The following PDE4D variants were observed in gnomAD, a reference collection of about 807,000 sequenced individuals.
PDE4D encodes the protein phosphodiesterase 4D.
Under a neutral mutation model 87.4 loss-of-function variants are expected in PDE4D, and 24 were observed. That is an observed-to-expected ratio of 0.27 (90% confidence interval 0.20 to 0.39). The LOEUF (loss-of-function observed/expected upper bound fraction) is 0.39, where lower values mean the gene tolerates loss of function less well. Among genes scored for constraint, PDE4D ranks in the 10% least tolerant of loss-of-function variants. The pLI, the probability that PDE4D is intolerant of heterozygous loss-of-function variation, is 1.00. For missense variants in PDE4D, 714 were observed against 1,041.0 expected (o/e 0.69, Z 4.32); for synonymous variants, 384 against 383.2 (o/e 1.00, Z -0.02).
chr5:58,993,510 T>A (rs777325222), intron 6 of PDE4D, 45 bp from the exon 7 acceptor site: 15 of 1,169,780 alleles, frequency 1.3e-5, no homozygotes, highest in Non-Finnish European at 1.9e-5. Flanking sequence ...GAGGAAAATT[T>A]AAGTGAAATA....
intron 1 of PDE4D, among the ~76,000 whole-genome samples, chr5:59,289,191 A>AG (rs1032122182): frequency 6.6e-6 from 1 of 152,056 alleles, no homozygotes; most frequent in Non-Finnish European, 1.5e-5. Context: ...AAAGTTTTAA[A>AG]GCGGGGGACA....
At chr5:59,089,951 A>T (rs191129174) in intron 5 of PDE4D, among the ~76,000 whole-genome samples, 3 of 152,276 alleles carry the variant, frequency 2.0e-5, no homozygotes, top group Admixed American at 6.5e-5. Context: ...ACACCCACTG[A>T]CCACGTCAAG....
At chr5:59,517,232 C>T (rs965343290) in intron 1 of PDE4D, among the ~76,000 whole-genome samples, 9 of 152,196 alleles carry the variant, frequency 5.9e-5, no homozygotes, top group African/African-American at 2.2e-4. Context: ...ATCTAACCCC[C>T]ATTTCACTAG....
At chr5:59,785,420 C>T (rs1765071127) in intron 1 of PDE4D, among the ~76,000 whole-genome samples, 1 of 152,162 alleles carries the variant, frequency 6.6e-6, no homozygotes, top group Non-Finnish European at 1.5e-5. Context: ...TGAGCACCTA[C>T]TAGGTTCTAA....
chr5:59,526,598 A>G (rs1177142669), intron 1 of PDE4D, among the ~76,000 whole-genome samples: 10 of 152,190 alleles, frequency 6.6e-5, no homozygotes, highest in Non-Finnish European at 1.5e-4. Flanking sequence ...CAACATTTAA[A>G]ATAGCAAGAG....
chr5:60,428,065 C>A (rs940841580), intron 1 of PDE4D, among the ~76,000 whole-genome samples: 1 of 151,904 alleles, frequency 6.6e-6, no homozygotes, highest in Non-Finnish European at 1.5e-5. Context: ...GAGAGCAAGA[C>A]CCTGTCTCAA....
chr5:60,249,660 T>C (rs1748203772), intron 1 of PDE4D, among the ~76,000 whole-genome samples: 1 of 152,016 alleles, frequency 6.6e-6, no homozygotes, highest in Non-Finnish European at 1.5e-5. Flanking sequence ...TTTAAATGAA[T>C]ATTCCAAACC....
chr5:60,357,330 C>G (rs1759704202), intron 1 of PDE4D, among the ~76,000 whole-genome samples: 1 of 152,046 alleles, frequency 6.6e-6, no homozygotes, highest in South Asian at 2.1e-4. Context: ...AATGCAGAAC[C>G]AAGCTGTGCA....
At chr5:59,743,620 AT>A (rs2150683780) in intron 1 of PDE4D, among the ~76,000 whole-genome samples, 1 of 152,228 alleles carries the variant, frequency 6.6e-6, no homozygotes, top group Admixed American at 6.5e-5. Context: ...GGAAAACAGT[AT>A]GAAAAAATAT....
intron 3 of PDE4D, among the ~76,000 whole-genome samples, chr5:59,916,060 A>G (rs1445712192): frequency 6.6e-6 from 1 of 152,204 alleles, no homozygotes; most frequent in Non-Finnish European, 1.5e-5. Context: ...TCTACTCATC[A>G]CACCACACAA....
intron 1 of PDE4D, among the ~76,000 whole-genome samples, chr5:60,345,892 G>C (rs554939016): frequency 2.0e-4 from 31 of 152,048 alleles, no homozygotes; most frequent in African/African-American, 7.5e-4. Context: ...CTGTTTTCCA[G>C]AATAATCCAA....
At chr5:60,077,026 G>C (rs1773372851) in intron 2 of PDE4D, among the ~76,000 whole-genome samples, 1 of 152,214 alleles carries the variant, frequency 6.6e-6, no homozygotes, top group Non-Finnish European at 1.5e-5. Flanking sequence ...ACACAAGACT[G>C]TGGACCCTCT....
At chr5:59,018,020 C>T (rs777342269) in intron 6 of PDE4D, among the ~76,000 whole-genome samples, 6 of 152,250 alleles carry the variant, frequency 3.9e-5, no homozygotes, top group Non-Finnish European at 5.9e-5. Flanking sequence ...CAGCATTTTA[C>T]TTAAGGATAC....
At chr5:60,263,036 T>G (rs775154286) in intron 1 of PDE4D, among the ~76,000 whole-genome samples, 6 of 152,226 alleles carry the variant, frequency 3.9e-5, no homozygotes, top group Admixed American at 1.3e-4. Context: ...GATTGACAGC[T>G]TCTCATGGGA....
intron 1 of PDE4D, among the ~76,000 whole-genome samples, chr5:60,457,096 T>C (rs1746529159): frequency 1.3e-5 from 2 of 152,162 alleles, no homozygotes; most frequent in Admixed American, 6.5e-5. Context: ...GAATAAACTG[T>C]ACAGCCTGCT....
intron 1 of PDE4D, among the ~76,000 whole-genome samples, chr5:59,796,274 T>C (rs982260739): frequency 6.6e-6 from 1 of 152,176 alleles, no homozygotes; most frequent in African/African-American, 2.4e-5. Flanking sequence ...CAAAAGCCTG[T>C]AGAAATCCAA....
chr5:59,102,247 T>C lies in PDE4D; in HGVS notation c.809-63276A>G, dbSNP rs187749932. ...GATTACAGGCATGTGCCACTACTCC[T>C]GGCTAATTTTTTATTTTTAGTAGAG... On this transcript the variant is annotated intron_variant, in intron 5 of 14. Transcript: ENST00000340635. 3.7e-3 allele frequency among the ~76,000 whole-genome samples: 566 copies of C among 152,040 alleles called. 4 individuals are homozygous for C. The highest frequency in any genetic ancestry group is 0.013 in the African/African-American group (544 of 41,492).
At chr5:60,033,037 G>A (rs1022328501) in intron 2 of PDE4D, 1 of 152,120 alleles carries the variant, frequency 6.6e-6, no homozygotes, top group Non-Finnish European at 1.5e-5. Flanking sequence ...CCTTCTAAAA[G>A]TAGCATTTGT....
intron 6 of PDE4D, among the ~76,000 whole-genome samples, chr5:59,008,854 T>A (rs1752199607): frequency 6.6e-6 from 1 of 152,072 alleles, no homozygotes; most frequent in South Asian, 2.1e-4. Context: ...CAGAAATTAT[T>A]TTTTAAAAAA....
Sources: allele counts gnomAD v4.1 joint callset (sites outside exome capture counted in the v4.1 genomes callset), GRCh38; gene constraint gnomAD v4.1.1; transcripts MANE v1.5; gene names NCBI Gene and HGNC (gene_info 2026-07-23, HGNC 2026-07-21).